Variants in SPOCK3 observed in about 807,000 individuals in gnomAD.
SPOCK3 encodes SPARC (osteonectin), cwcv and kazal like domains proteoglycan 3.
SPOCK3 carries 30 observed loss-of-function variants against 56.6 expected under a neutral mutation model. The ratio of observed to expected loss-of-function variants is 0.53; its 90% CI spans 0.40 to 0.72. The LOEUF (loss-of-function observed/expected upper bound fraction) is 0.72, where lower values mean the gene tolerates loss of function less well. Among genes scored for constraint, SPOCK3 ranks in the 30% least tolerant of loss-of-function variants. SPOCK3 has a pLI of 0.00. For missense variants in SPOCK3, 527 were observed against 530.0 expected, an observed-to-expected ratio of 0.99 and a Z score of 0.06; for synonymous variants, 196 against 183.3, an observed-to-expected ratio of 1.07 and a Z score of -0.56.
chr4:166,739,481 T>A (rs1432668862), intron 9 of SPOCK3, among the ~76,000 whole-genome samples: 2 of 152,086 alleles, frequency 1.3e-5, no homozygotes, highest in Non-Finnish European at 2.9e-5. Context: ...CTTCAAGTCA[T>A]CCATCCACCT....
intron 10 of SPOCK3, among the ~76,000 whole-genome samples, 199 bp from the exon 11 acceptor site, chr4:166,735,289 C>T (rs941753913): frequency 4.0e-5 from 6 of 151,892 alleles, no homozygotes; most frequent in Non-Finnish European, 8.8e-5. Flanking sequence ...AATGTATGTG[C>T]TAAAAGCAGA....
At chr4:167,055,004 C>A (rs1754636412) in intron 3 of SPOCK3, among the ~76,000 whole-genome samples, 1 of 152,062 alleles carries the variant, frequency 6.6e-6, no homozygotes, top group South Asian at 2.1e-4. Flanking sequence ...ACCTTAATTT[C>A]TGCATGCTTT....
At chr4:167,213,854 G>A (rs562514772) in intron 2 of SPOCK3, among the ~76,000 whole-genome samples, 4 of 151,996 alleles carry the variant, frequency 2.6e-5, no homozygotes, top group Admixed American at 6.6e-5. Flanking sequence ...CCAATAAGCA[G>A]TCACCATAAA....
intron 6 of SPOCK3, among the ~76,000 whole-genome samples, chr4:166,817,046 C>T (rs539230820): frequency 6.6e-6 from 1 of 152,108 alleles, no homozygotes; most frequent in South Asian, 2.1e-4. Context: ...GGCAGAAGGC[C>T]CAGACTCAAG....
chr4:167,161,791 C>CA (rs1312666952), intron 2 of SPOCK3, among the ~76,000 whole-genome samples: 5 of 144,040 alleles, frequency 3.5e-5, no homozygotes, highest in South Asian at 2.2e-4. Flanking sequence ...ACCACAAGGA[C>CA]AAAAAACCAA....
chr4:167,192,085 A>T (rs1225445521), intron 2 of SPOCK3, among the ~76,000 whole-genome samples: 1 of 146,008 alleles, frequency 6.8e-6, no homozygotes, highest in Non-Finnish European at 1.5e-5. Context: ...ATCACACTTA[A>T]TGATTGTTTT....
At chr4:166,842,182 G>C (rs182363330) in intron 6 of SPOCK3, among the ~76,000 whole-genome samples, 1 of 152,224 alleles carries the variant, frequency 6.6e-6, no homozygotes, top group East Asian at 1.9e-4. Context: ...GCAGCAGCAA[G>C]ATTTATTGCA....
chr4:166,857,835 C>A (rs1364167078), intron 6 of SPOCK3, among the ~76,000 whole-genome samples: 1 of 152,134 alleles, frequency 6.6e-6, no homozygotes, highest in African/African-American at 2.4e-5. Flanking sequence ...AGGCTTTTAG[C>A]CCTTTTGCCT....
chr4:167,060,159 A>AT (rs1755431894), intron 3 of SPOCK3, among the ~76,000 whole-genome samples: 1 of 151,940 alleles, frequency 6.6e-6, no homozygotes, highest in African/African-American at 2.4e-5. Context: ...AATAATAATA[A>AT]AATAAAAAAA....
intron 4 of SPOCK3, among the ~76,000 whole-genome samples, chr4:166,937,024 T>C (rs1740478489): frequency 6.6e-6 from 1 of 152,170 alleles, no homozygotes; most frequent in African/African-American, 2.4e-5. Context: ...AACTTATTTA[T>C]TTATTTTTTA....
chr4:167,111,886 T>G (rs1271361779), intron 2 of SPOCK3, among the ~76,000 whole-genome samples: 1 of 151,956 alleles, frequency 6.6e-6, no homozygotes. Flanking sequence ...GCCTCCCAAG[T>G]AGCTGGGACT....
intron 6 of SPOCK3, among the ~76,000 whole-genome samples, chr4:166,834,983 C>T (rs1746466238): frequency 6.6e-6 from 1 of 151,890 alleles, no homozygotes; most frequent in African/African-American, 2.4e-5. Context: ...TTTACTCTTC[C>T]TGAACTAGAT....
At chr4:167,063,795 T>C (rs1400653090) in intron 2 of SPOCK3, among the ~76,000 whole-genome samples, 1 of 151,886 alleles carries the variant, frequency 6.6e-6, no homozygotes, top group Non-Finnish European at 1.5e-5. Context: ...TCTTTCTGAG[T>C]TGTTTCACTT....
At chr4:166,949,567 C>T (rs575716486) in intron 4 of SPOCK3, among the ~76,000 whole-genome samples, 1 of 152,160 alleles carries the variant, frequency 6.6e-6, no homozygotes, top group Non-Finnish European at 1.5e-5. Flanking sequence ...CAGACAGGAC[C>T]CTTAGCTGCA....
chr4:167,134,671 G>A (rs897388839), intron 2 of SPOCK3, among the ~76,000 whole-genome samples: 5 of 151,996 alleles, frequency 3.3e-5, no homozygotes, highest in Non-Finnish European at 7.4e-5. Context: ...GTGTTCTGAA[G>A]GTTATCAAAA....
intron 3 of SPOCK3, among the ~76,000 whole-genome samples, chr4:167,060,071 C>T (rs973723572): frequency 1.1e-4 from 16 of 151,700 alleles, no homozygotes; most frequent in Non-Finnish European, 1.5e-4. Context: ...TTAATGGGTG[C>T]AGCACACCAG....
intron 3 of SPOCK3, among the ~76,000 whole-genome samples, chr4:167,010,718 T>C (rs891510870): frequency 3.9e-5 from 6 of 152,166 alleles, no homozygotes; most frequent in African/African-American, 1.4e-4. Context: ...GAAGGAATAG[T>C]GAATTGCAAG....
intron 3 of SPOCK3, among the ~76,000 whole-genome samples, chr4:167,037,353 G>C (rs1348068519): frequency 2.0e-5 from 3 of 152,138 alleles, no homozygotes; most frequent in African/African-American, 7.2e-5. Flanking sequence ...GTGGTGGGGT[G>C]TGCCTGTGGT....
intron 3 of SPOCK3, among the ~76,000 whole-genome samples, chr4:167,034,575 A>G (rs775043896): frequency 1.2e-4 from 18 of 152,074 alleles, no homozygotes; most frequent in Non-Finnish European, 2.4e-4. Flanking sequence ...GCTCAGCAAG[A>G]CTTAAGTCAT....
Sources: gnomAD v4.1 joint callset for allele counts (sites outside exome capture counted in the v4.1 genomes callset) on GRCh38, gnomAD v4.1.1 for gene constraint, MANE v1.5 for transcripts, NCBI Gene and HGNC (gene_info 2026-07-23, HGNC 2026-07-21) for gene names.